The following MACROD2 variants were observed in gnomAD, a reference collection of about 807,000 sequenced individuals.
The protein encoded by MACROD2 is mono-ADP ribosylhydrolase 2, also known as ADP-ribose glycohydrolase MACROD2.
A neutral mutation model predicts 70.4 loss-of-function variants in MACROD2; 36 were observed. The observed-to-expected ratio is 0.51, with a 90% CI of 0.39 to 0.68. MACROD2 has a LOEUF of 0.68. Ranked by LOEUF, MACROD2 falls within the 30% of genes least tolerant of loss-of-function variation. The probability of loss-of-function intolerance (pLI) is 0.00; values close to 1 mark genes in which losing one functional copy is unlikely to be tolerated. For synonymous variants in MACROD2, 172 were observed against 178.8 expected (o/e 0.96, Z 0.30); for missense variants, 496 against 538.4 (o/e 0.92, Z 0.78).
chr20:14,676,678 A>T (rs967182567), intron 4 of MACROD2, among the ~76,000 whole-genome samples: 1 of 152,078 alleles, frequency 6.6e-6, no homozygotes, highest in East Asian at 1.9e-4. Context: ...AGAGCAAACA[A>T]ATTCAAAAGC....
At chr20:14,845,609 G>A (rs971581323) in intron 5 of MACROD2, among the ~76,000 whole-genome samples, 1 of 152,050 alleles carries the variant, frequency 6.6e-6, no homozygotes, top group Non-Finnish European at 1.5e-5. Context: ...CTTCAAAGGA[G>A]AGCAGAATGC....
chr20:14,368,823 A>G (rs1376365872), intron 3 of MACROD2, among the ~76,000 whole-genome samples: 1 of 152,218 alleles, frequency 6.6e-6, no homozygotes, highest in South Asian at 2.1e-4. Context: ...GAAAAAGTAA[A>G]AACTTTAAAA....
intron 3 of MACROD2, among the ~76,000 whole-genome samples, chr20:14,177,654 C>T (rs111603809): frequency 1.1e-4 from 16 of 152,064 alleles, no homozygotes; most frequent in African/African-American, 3.9e-4. Flanking sequence ...TATACTCATG[C>T]TTGTATCGAC....
At chr20:15,206,924 G>A (rs2076713017) in intron 5 of MACROD2, among the ~76,000 whole-genome samples, 1 of 150,580 alleles carries the variant, frequency 6.6e-6, no homozygotes, top group East Asian at 1.9e-4. Context: ...TTTTAGTAGA[G>A]ACGGGGTTTC....
At chr20:14,955,026 T>TAATATA (rs2074517945) in intron 5 of MACROD2, among the ~76,000 whole-genome samples, 1 of 118,314 alleles carries the variant, frequency 8.5e-6, no homozygotes. Flanking sequence ...ATATATTATA[T>TAATATA]ATTTATATTA....
intron 5 of MACROD2, among the ~76,000 whole-genome samples, chr20:14,794,316 C>G (rs1184276189): frequency 1.3e-5 from 2 of 152,124 alleles, no homozygotes; most frequent in Non-Finnish European, 2.9e-5. Context: ...CCATTGAAGA[C>G]TACCTTCTCA....
At chr20:15,965,030 T>C (rs2066119602) in intron 12 of MACROD2, among the ~76,000 whole-genome samples, 1 of 152,208 alleles carries the variant, frequency 6.6e-6, no homozygotes. Flanking sequence ...ACATCGAATA[T>C]ACTGCAATGG....
At chr20:15,195,450 A>G (rs187867789) in intron 5 of MACROD2, among the ~76,000 whole-genome samples, 75 of 152,292 alleles carry the variant, frequency 4.9e-4, no homozygotes, top group South Asian at 2.5e-3. Flanking sequence ...TCAAAAGAAG[A>G]CATACTTGCA....
At chr20:15,718,908 G>C (rs994332863) in intron 8 of MACROD2, among the ~76,000 whole-genome samples, 1 of 152,128 alleles carries the variant, frequency 6.6e-6, no homozygotes, top group African/African-American at 2.4e-5. Context: ...TAAGATGGTG[G>C]TATTAACCAC....
At chr20:14,242,382 A>G (rs1019933982) in intron 3 of MACROD2, among the ~76,000 whole-genome samples, 1 of 152,288 alleles carries the variant, frequency 6.6e-6, no homozygotes, top group South Asian at 2.1e-4. Flanking sequence ...TGAAAAATGC[A>G]TATGACCTTG....
chr20:15,629,972 G>A (rs1039334594), intron 8 of MACROD2, among the ~76,000 whole-genome samples: 1 of 152,152 alleles, frequency 6.6e-6, no homozygotes, highest in African/African-American at 2.4e-5. Context: ...CCTGCTCTCT[G>A]CCCTTTCATT....
At chr20:15,112,950 CTGTGTGTGTGTGTGTG>C (rs11467446) in intron 5 of MACROD2, among the ~76,000 whole-genome samples, 2 of 146,002 alleles carry the variant, frequency 1.4e-5, no homozygotes, top group East Asian at 2.0e-4. Flanking sequence ...TAATATTTCA[CTGTGTGTGTGTGTGTG>C]TGTGTGTGTG....
intron 6 of MACROD2, among the ~76,000 whole-genome samples, chr20:15,423,438 C>T (rs1191773259): frequency 6.6e-6 from 1 of 152,090 alleles, no homozygotes; most frequent in East Asian, 1.9e-4. Context: ...AAATATATCC[C>T]CTCTGTCTTA....
chr20:14,373,645 C>A (rs145133282), intron 3 of MACROD2, among the ~76,000 whole-genome samples: 9 of 152,236 alleles, frequency 5.9e-5, no homozygotes, highest in Middle Eastern at 3.4e-3. Context: ...CAGAATGTGC[C>A]TTTTTGTGGA....
intron 13 of MACROD2, among the ~76,000 whole-genome samples, chr20:15,972,467 A>T (rs2066245824): frequency 6.6e-6 from 1 of 152,162 alleles, no homozygotes; most frequent in South Asian, 2.1e-4. Context: ...GAGAAAAATC[A>T]CAAAAACAAG....
intron 7 of MACROD2, among the ~76,000 whole-genome samples, chr20:15,470,636 C>T (rs79613722): frequency 0.021 from 3,169 of 152,196 alleles, 87 homozygotes; most frequent in African/African-American, 0.066. Context: ...ATGGGCTCTC[C>T]CTTTCCACCC....
At chr20:15,107,782 G>A (rs550347495) in intron 5 of MACROD2, among the ~76,000 whole-genome samples, 1 of 152,100 alleles carries the variant, frequency 6.6e-6, no homozygotes, top group East Asian at 1.9e-4. Context: ...TGTGTTTGTT[G>A]TTGTTGTTTT....
At chr20:15,409,545 A>G (rs1460926783) in intron 6 of MACROD2, among the ~76,000 whole-genome samples, 3 of 152,202 alleles carry the variant, frequency 2.0e-5, no homozygotes, top group Admixed American at 6.5e-5. Context: ...TACTTACCTC[A>G]TTTGAGGTGA....
chr20:14,078,352 T>C (rs1326909442), intron 2 of MACROD2, among the ~76,000 whole-genome samples: 1 of 152,220 alleles, frequency 6.6e-6, no homozygotes, highest in Non-Finnish European at 1.5e-5. Context: ...TTAATCAGCA[T>C]TCAAATCTTT....
Sources: allele counts gnomAD v4.1 joint callset (sites outside exome capture counted in the v4.1 genomes callset), GRCh38; gene constraint gnomAD v4.1.1; transcripts MANE v1.5; gene names NCBI Gene and HGNC (gene_info 2026-07-23, HGNC 2026-07-21).